The following KDM3B variants were observed in gnomAD, a reference collection of about 807,000 sequenced individuals.
The protein encoded by KDM3B is lysine-specific demethylase 3B.
In KDM3B, 10 loss-of-function variants were observed where a neutral mutation model predicts 170.0. The observed-to-expected ratio is 0.06, with a 90% CI of 0.04 to 0.10. KDM3B has a LOEUF of 0.10. Among genes scored for constraint, KDM3B ranks in the 10% least tolerant of loss-of-function variants. The pLI is 1.00. For synonymous variants in KDM3B, 831 were observed against 834.8 expected (o/e 1.00, Z 0.08); for missense variants, 1,394 against 2,195.2 (o/e 0.64, Z 7.29).
intron 3 of KDM3B, among the ~76,000 whole-genome samples, chr5:138,375,973 G>A (rs1228869158): frequency 6.6e-6 from 1 of 151,352 alleles, no homozygotes; most frequent in African/African-American, 2.4e-5. Flanking sequence ...AACCACGCCT[G>A]GCATTTTTAA....
chr5:138,392,098 T>C lies in KDM3B; in HGVS notation c.2466T>C (p.Ser822=). The change falls in exon 8 of 24, where the codon AGT becomes AGC. Residue 822 remains serine (S), a synonymous_variant. Transcript: ENST00000314358. ...SSTNSDLSDL[S]DSEEQLQAKT... is the part of the protein sequence containing the mutation. ...CCAACAGTGACCTGTCAGATTTGAG[T>C]GACTCTGAGGAGCAGCTGCAGGCTA... The C allele has an allele frequency of 6.2e-7, 1 of 1,611,520 alleles. No individual in the cohort carries two copies. Among genetic ancestry groups the C allele is most frequent in the Non-Finnish European group, 8.5e-7 (1 of 1,177,832 alleles).
At chr5:138,379,549 C>G in intron 4 of KDM3B, 35 bp from the exon 5 acceptor site, 3 of 1,566,612 alleles carry the variant, frequency 1.9e-6, no homozygotes, top group African/African-American at 2.8e-5. Flanking sequence ...ATAGCTTAGC[C>G]AAAAATACTC....
chr5:138,435,733 A>G lies in KDM3B; in HGVS notation c.*33A>G. The G allele has an allele frequency of 1.3e-6, 2 of 1,546,050 alleles. No homozygotes were observed. Among genetic ancestry groups the G allele is most frequent in the Non-Finnish European group, 1.8e-6 (2 of 1,123,938 alleles). Reference sequence around the variant, plus strand: ...GAAACTCCAAGCTCCTCTGTGAAGCAGGTCTTTCACTCACAACACTTAACA... The same window carrying G: ...GAAACTCCAAGCTCCTCTGTGAAGCGGGTCTTTCACTCACAACACTTAACA... On this transcript the variant is annotated 3_prime_UTR_variant, in exon 24 of 24. Coordinates refer to ENST00000314358, the MANE Select transcript of KDM3B (RefSeq NM_016604.4).
intron 1 of KDM3B, among the ~76,000 whole-genome samples, chr5:138,354,694 T>C (rs1761409086): frequency 6.6e-6 from 1 of 152,174 alleles, no homozygotes. Flanking sequence ...TTACCACTGA[T>C]CCCACGGAAC....
chr5:138,386,749 CTG>C, intron 7 of KDM3B, 128 bp downstream of exon 7: 1 of 1,261,036 alleles, frequency 7.9e-7, no homozygotes, highest in East Asian at 2.4e-5. Flanking sequence ...AAATTATACT[CTG>C]TGGAAGGCCT....
chr5:138,357,850 G>A (rs1167885844), intron 1 of KDM3B, among the ~76,000 whole-genome samples: 1 of 151,738 alleles, frequency 6.6e-6, no homozygotes, highest in Admixed American at 6.6e-5. Flanking sequence ...CTCCCAAGTA[G>A]CTGGGACTAC....
rs1321315445 is a variant in KDM3B, at chr5:138,391,612, CTCT to C, written c.1984_1986del (p.Ser662del). 2 of 1,614,010 alleles carry C rather than the reference CTCT, an allele frequency of 1.2e-6. No individual in the cohort carries two copies. The highest frequency in any genetic ancestry group is 8.5e-7 in the Non-Finnish European group (1 of 1,180,028). ...TTGCATCTCAGGCATCAGGTAGCTC[CTCT>C]TCTGCTACCACTGTCACCTCCAAGG... On this transcript the variant is annotated inframe_deletion, in exon 8 of 24. Transcript: ENST00000314358. This position sits in a 1 kb window ranked among gnomAD's most constrained non-coding sequence, Gnocchi z 5.0.
intron 11 of KDM3B, among the ~76,000 whole-genome samples, chr5:138,413,741 C>A (rs1021647534): frequency 6.6e-6 from 1 of 151,874 alleles, no homozygotes; most frequent in African/African-American, 2.4e-5. Flanking sequence ...TCAAACAATC[C>A]TCCTACCTCA....
chr5:138,427,086 T>G, intron 18 of KDM3B, 21 bp downstream of exon 18: 1 of 1,611,346 alleles, frequency 6.2e-7, no homozygotes. Context: ...TGCAGTGGTG[T>G]CATCTTCAGA....
chr5:138,381,238 G>T (rs1042817353), intron 5 of KDM3B, among the ~76,000 whole-genome samples: 2 of 152,114 alleles, frequency 1.3e-5, no homozygotes, highest in Non-Finnish European at 2.9e-5. Flanking sequence ...TACAGAATAG[G>T]ACAGTTTTAG....
At position 138,399,852 on chromosome 5, in the gene KDM3B, T is replaced by G. The variant is rs765266588; in HGVS notation, c.3047-8T>G. ...ATCAATGCCAATTCTGTTTCCTCTTTCCACCAGAGAAAGTGGCATGGAAGC... is the reference window on the plus strand; with the variant it reads ...ATCAATGCCAATTCTGTTTCCTCTTGCCACCAGAGAAAGTGGCATGGAAGC... On this transcript the variant is annotated splice_region_variant and splice_polypyrimidine_tract_variant and intron_variant, in intron 10 of 23. Transcript: ENST00000314358. 1.2e-5 allele frequency: 19 copies of G among 1,611,292 alleles called. No homozygotes were observed. In the South Asian group the frequency reaches 2.0e-4, roughly 17 times the overall value.
intron 16 of KDM3B, 52 bp from the exon 17 acceptor site, chr5:138,425,359 A>C: frequency 1.9e-6 from 3 of 1,573,194 alleles, no homozygotes; most frequent in South Asian, 1.1e-5. Flanking sequence ...TCAGCCCTAG[A>C]GCTGGAAGTT....
intron 1 of KDM3B, among the ~76,000 whole-genome samples, chr5:138,359,134 T>C (rs1761532293): frequency 6.6e-6 from 1 of 152,108 alleles, no homozygotes; most frequent in Non-Finnish European, 1.5e-5. Context: ...CATCATTTTT[T>C]ATGGCTGCAT....
At chr5:138,426,574 CAA>C (rs566978034) in intron 17 of KDM3B, among the ~76,000 whole-genome samples, 48 of 69,150 alleles carry the variant, frequency 6.9e-4, no homozygotes, top group East Asian at 3.8e-3. Flanking sequence ...GACTCCATCT[CAA>C]AAAAAAAAAA....
In KDM3B at chr5:138,370,704, G is replaced by T. The variant is rs538715740; in HGVS notation, c.193-1970G>T. On this transcript the variant is annotated intron_variant, in intron 1 of 23. Coordinates refer to ENST00000314358, the MANE Select transcript of KDM3B (RefSeq NM_016604.4). ...ATGCCTGGTGCCCCTAGTACTTACA[G>T]ATCCTCCTGGTAACTCCACAGTTGC... 1.2e-4 allele frequency among the ~76,000 whole-genome samples: 18 copies of T among 152,282 alleles called. No individual in the cohort carries two copies. In the South Asian group the frequency reaches 3.7e-3, roughly 32 times the overall value.
chr5:138,368,375 G>A (rs1761795903), intron 1 of KDM3B, among the ~76,000 whole-genome samples: 1 of 151,648 alleles, frequency 6.6e-6, no homozygotes, highest in Non-Finnish European at 1.5e-5. Flanking sequence ...GGGGACTACA[G>A]ATGTACCCCA....
chr5:138,406,568 G>A (rs1232258528), intron 11 of KDM3B, among the ~76,000 whole-genome samples: 1 of 152,066 alleles, frequency 6.6e-6, no homozygotes, highest in Non-Finnish European at 1.5e-5. Flanking sequence ...AATCACTTAG[G>A]TGGAGGTTGC....
chr5:138,430,186 A>T, intron 21 of KDM3B, 63 bp from the exon 22 acceptor site: 1 of 1,557,922 alleles, frequency 6.4e-7, no homozygotes, highest in Non-Finnish European at 8.8e-7. Context: ...TGCTGCAGCA[A>T]GTTGGATTTA....
chr5:138,358,294 C>T (rs978289082), intron 1 of KDM3B, among the ~76,000 whole-genome samples: 5 of 130,356 alleles, frequency 3.8e-5, no homozygotes, highest in Admixed American at 1.8e-4. Context: ...AATTTTTTTT[C>T]TTTCTTTCTT....
Sources: allele counts gnomAD v4.1 joint callset (sites outside exome capture counted in the v4.1 genomes callset), GRCh38; gene constraint gnomAD v4.1.1; non-coding constraint Gnocchi (gnomAD v3.1); transcripts MANE v1.5; gene names NCBI Gene and HGNC (gene_info 2026-07-23, HGNC 2026-07-21).